FYCO1: variants seen among roughly 807,000 people sequenced by gnomAD.
FYCO1 encodes the protein FYVE and coiled-coil domain-containing protein 1.
In FYCO1, 122 loss-of-function variants were observed where a neutral mutation model predicts 165.1. The observed-to-expected ratio is 0.74, with a 90% CI of 0.64 to 0.86. The LOEUF (loss-of-function observed/expected upper bound fraction) is 0.86, where lower values mean the gene tolerates loss of function less well. Among genes scored for constraint, FYCO1 ranks in the 40% least tolerant of loss-of-function variants. The pLI, the probability that FYCO1 is intolerant of heterozygous loss-of-function variation, is 0.00. For synonymous variants in FYCO1, 648 were observed against 742.5 expected, an observed-to-expected ratio of 0.87 and a Z score of 2.07; for missense variants, 1,702 against 1,810.3, an observed-to-expected ratio of 0.94 and a Z score of 1.09.
chr3:45,935,508 C>A (rs1325057643), intron 15 of FYCO1, among the ~76,000 whole-genome samples: 1 of 152,236 alleles, frequency 6.6e-6, no homozygotes, highest in African/African-American at 2.4e-5. Context: ...ACATGTCAGG[C>A]ATTGTCCTGT....
At chr3:45,922,839 C>T (rs144165053) in intron 17 of FYCO1, among the ~76,000 whole-genome samples, 12 of 152,290 alleles carry the variant, frequency 7.9e-5, no homozygotes, top group African/African-American at 2.6e-4. Flanking sequence ...GGGATGTGAC[C>T]GGTAGCCCAG....
intron 16 of FYCO1, 38 bp downstream of exon 16, chr3:45,931,033 G>T: frequency 6.3e-7 from 1 of 1,584,796 alleles, no homozygotes; most frequent in Non-Finnish European, 8.6e-7. Context: ...ACCCAGATGT[G>T]TGTGTAAGGA....
intron 10 of FYCO1, among the ~76,000 whole-genome samples, chr3:45,963,060 G>A (rs936249445): frequency 6.6e-6 from 1 of 152,060 alleles, no homozygotes; most frequent in African/African-American, 2.4e-5. Flanking sequence ...GGATGGTCCA[G>A]TGGGACATAA....
At chr3:45,994,664 G>GCC (rs1707710543) in intron 1 of FYCO1, among the ~76,000 whole-genome samples, 1 of 138,474 alleles carries the variant, frequency 7.2e-6, no homozygotes, top group African/African-American at 2.6e-5. Context: ...CCCCACACCA[G>GCC]CCCCCAACAC....
intron 11 of FYCO1, among the ~76,000 whole-genome samples, chr3:45,960,754 C>T (rs1442366255): frequency 6.6e-6 from 1 of 152,132 alleles, no homozygotes; most frequent in Non-Finnish European, 1.5e-5. Flanking sequence ...TTGTATGTGC[C>T]TCTTGAAGGA....
chr3:45,967,911 C>A lies in FYCO1; in HGVS notation c.1423G>T (p.Glu475Ter), dbSNP rs201080222. 70 of 1,614,030 alleles carry A rather than the reference C, an allele frequency of 4.3e-5. 1 individual carries two copies. The highest frequency in any genetic ancestry group is 3.4e-5 in the Non-Finnish European group (40 of 1,180,036). ...CAGGAGCTCGTGTGGGCCAGCAACT[C>A]CTGCAGCCGTCGCCAGAGCTGGTCT... Reference protein sequence around the residue: ...EADQLWRRLQELLAHTSSWEE... With the variant: ...EADQLWRRLQ Residue 475 changes from glutamate (E) to a stop codon, truncating the protein, a stop_gained, in exon 8 of 18, where the codon GAG (glutamate) becomes TAG (stop). Coordinates refer to ENST00000296137, the MANE Select transcript of FYCO1 (RefSeq NM_024513.4). LOFTEE classifies it high-confidence loss of function.
rs781107765 is a variant in FYCO1, at chr3:45,966,270, G to T, written c.3057+7C>A. 2 of 1,613,036 alleles carry T rather than the reference G, an allele frequency of 1.2e-6. No homozygotes were observed. Among genetic ancestry groups the T allele is most frequent in the South Asian group, 1.1e-5 (1 of 91,064 alleles). On this transcript the variant is annotated splice_region_variant and intron_variant, in intron 8 of 17. Coordinates refer to ENST00000296137, the MANE Select transcript of FYCO1 (RefSeq NM_024513.4). ...GGTAGAGCCCAAGTGGTTGAAGCTAGGATTACCTTAAGTCTGCTCTGGTAG... is the reference window on the plus strand; with the variant it reads ...GGTAGAGCCCAAGTGGTTGAAGCTATGATTACCTTAAGTCTGCTCTGGTAG...
At position 45,964,571 on chromosome 3, in the gene FYCO1, G is replaced by C; in HGVS notation, c.3151-117C>G. On this transcript the variant is annotated intron_variant, in intron 9 of 17. Coordinates refer to ENST00000296137, the MANE Select transcript of FYCO1 (RefSeq NM_024513.4). The surrounding 1 kb of genome is among the most constrained non-coding windows in gnomAD (Gnocchi z 4.1). The stretch of plus-strand genomic sequence containing the variant: ...CTGGGTCACTTCTAAATGGAGGGTT[G>C]TTTCCTATTAAGTTCAAGAGGCCAT... The C allele has an allele frequency of 6.5e-7, 1 of 1,545,308 alleles. No homozygotes were observed. Among genetic ancestry groups the C allele is most frequent in the Non-Finnish European group, 8.7e-7 (1 of 1,147,774 alleles).
At chr3:45,963,209 G>A (rs1705798956) in intron 10 of FYCO1, among the ~76,000 whole-genome samples, 2 of 151,864 alleles carry the variant, frequency 1.3e-5, no homozygotes, top group Admixed American at 6.6e-5. Context: ...ACACACACAG[G>A]CAGCATATGT....
In FYCO1 at chr3:45,967,502, T is replaced by C; in HGVS notation, c.1832A>G (p.Glu611Gly). ...CCTGTTGGCCTGCCGGAGCTCTTCC[T>C]CCTGGCTGCCCTCTTGCACCTTGGT... is the stretch of plus-strand genomic sequence containing the variant. ...DDTKVQEGSQ[E>G]EELRQANREL... The change falls in exon 8 of 18, where the codon GAG (glutamate) becomes GGG (glycine). Residue 611 changes from glutamate (E) to glycine (G), a missense_variant. Transcript: ENST00000296137. The C allele has an allele frequency of 6.2e-7, 1 of 1,613,726 alleles. No homozygotes were observed. The highest frequency in any genetic ancestry group is 8.5e-7 in the Non-Finnish European group (1 of 1,179,976).
intron 14 of FYCO1, chr3:45,938,259 C>G (rs1035685198): frequency 1.3e-5 from 17 of 1,288,530 alleles, no homozygotes; most frequent in Non-Finnish European, 1.7e-5. Flanking sequence ...AGACGCCCTG[C>G]ATGAGTGAGG....
rs1235427495 is a variant in FYCO1, at chr3:45,966,931, T to C, written c.2403A>G (p.Ala801=). The stretch of plus-strand genomic sequence containing the variant: ...GCACCTTGTCCTGGTCATCCAGGGC[T>C]GCCCGCATCTTGGCCTGGAGGTCCA... ...QVVDLQAKMR[A]ALDDQDKVQS... is the part of the protein sequence containing the mutation. Residue 801 remains alanine (A), a synonymous_variant, in exon 8 of 18, where the codon GCA becomes GCG. Coordinates refer to ENST00000296137, the MANE Select transcript of FYCO1 (RefSeq NM_024513.4). The C allele has an allele frequency of 6.2e-7, 1 of 1,613,800 alleles. No homozygotes were observed. Among genetic ancestry groups the C allele is most frequent in the Admixed American group, 1.7e-5 (1 of 60,030 alleles).
rs1352951224 is a variant in FYCO1 at position 45,966,836 on chromosome 3, T to C, written c.2498A>G (p.Gln833Arg). 5.0e-6 allele frequency: 8 copies of C among 1,611,474 alleles called. No homozygotes were observed. The highest frequency in any genetic ancestry group is 6.8e-6 in the Non-Finnish European group (8 of 1,180,020). Residue 833 changes from glutamine (Q) to arginine (R), a missense_variant, in exon 8 of 18, where the codon CAG (glutamine) becomes CGG (arginine). Physicochemically the swap from Gln to Arg is conservative, Grantham distance 43 (BLOSUM62 1). Transcript: ENST00000296137. ...HKTLVQQLKEQNEALNRAHVQ... is the reference protein window; with the variant it reads ...HKTLVQQLKERNEALNRAHVQ... ...ATGGGCTCTGTTAAGGGCTTCATTC[T>C]GCTCCTTCAGCTGCTGCACAAGGGT...
At chr3:45,971,519 T>C (rs1299440008) in intron 6 of FYCO1, among the ~76,000 whole-genome samples, 3 of 152,204 alleles carry the variant, frequency 2.0e-5, no homozygotes, top group Non-Finnish European at 1.5e-5. Context: ...TTAACCTCAT[T>C]AGTAATGAAA....
In FYCO1 at chr3:45,962,049, G is replaced by A. The variant is rs982429933; in HGVS notation, c.3437+176C>T. Among the ~76,000 whole-genome samples, 1 of 152,194 alleles carries A rather than the reference G, an allele frequency of 6.6e-6. No individual in the cohort carries two copies. The highest frequency in any genetic ancestry group is 1.5e-5 in the Non-Finnish European group (1 of 68,040). ...AGCTGCCTGGTACCTGCAGGCGCTG[G>A]AGTTTGGGACTCTAGTACTGGGGAA... On this transcript the variant is annotated intron_variant, in intron 11 of 17. Coordinates refer to ENST00000296137, the MANE Select transcript of FYCO1 (RefSeq NM_024513.4). This position sits in a 1 kb window ranked among gnomAD's most constrained non-coding sequence, Gnocchi z 4.4.
At chr3:45,994,523 A>G (rs969558931) in intron 1 of FYCO1, among the ~76,000 whole-genome samples, 2 of 152,128 alleles carry the variant, frequency 1.3e-5, no homozygotes, top group Admixed American at 1.3e-4. Flanking sequence ...GGGGCATTCA[A>G]TGCTTTCAGA....
At chr3:45,957,282 T>C (rs895403034) in intron 13 of FYCO1, among the ~76,000 whole-genome samples, 6 of 152,208 alleles carry the variant, frequency 3.9e-5, no homozygotes, top group Non-Finnish European at 8.8e-5. Flanking sequence ...ATGTATAAGC[T>C]AAAGCTGTAA....
At position 45,993,421 on chromosome 3, in the gene FYCO1, G is replaced by A. The variant is rs1045717354; in HGVS notation, c.-113+2301C>T. ...TCAGCCATTTTTGTGATGTATCAAC[G>A]AACAGCAAGAAGGTAAACAGCATTT... On this transcript the variant is annotated intron_variant, in intron 1 of 17. Transcript: ENST00000296137. This position sits in a 1 kb window ranked among gnomAD's most constrained non-coding sequence, Gnocchi z 4.4. Among the ~76,000 whole-genome samples the A allele has an allele frequency of 2.6e-5, 4 of 152,160 alleles. No homozygotes were observed. The highest frequency in any genetic ancestry group is 4.8e-5 in the African/African-American group (2 of 41,434).
At chr3:45,946,592 G>A (rs755080913) in intron 14 of FYCO1, 6 of 1,614,202 alleles carry the variant, frequency 3.7e-6, no homozygotes, top group South Asian at 2.2e-5. Flanking sequence ...TGCCCTGCAT[G>A]TACCTGGTGG....
Sources: gnomAD v4.1 joint callset for allele counts (sites outside exome capture counted in the v4.1 genomes callset) on GRCh38, gnomAD v4.1.1 for gene constraint, Gnocchi (gnomAD v3.1) non-coding constraint, MANE v1.5 for transcripts, NCBI Gene and HGNC (gene_info 2026-07-23, HGNC 2026-07-21) for gene names.